EFR3B: variants seen among roughly 807,000 people sequenced by gnomAD.
EFR3B encodes protein EFR3 homolog B.
Under a neutral mutation model 104.7 loss-of-function variants are expected in EFR3B, and 64 were observed. That is an observed-to-expected ratio of 0.61 (90% CI 0.50 to 0.75). EFR3B has a LOEUF of 0.75. Ranked by LOEUF, EFR3B falls within the 30% of genes least tolerant of loss-of-function variation. The probability of loss-of-function intolerance (pLI) is 0.00; values close to 1 mark genes in which losing one functional copy is unlikely to be tolerated. For synonymous variants in EFR3B, 385 were observed against 417.9 expected (o/e 0.92, Z 0.96); for missense variants, 750 against 1,078.5 (o/e 0.70, Z 4.27).
At chr2:25,117,915 C>T (rs1669906175) in intron 4 of EFR3B, among the ~76,000 whole-genome samples, 1 of 152,186 alleles carries the variant, frequency 6.6e-6, no homozygotes, top group African/African-American at 2.4e-5. Flanking sequence ...CCCCGCAGCC[C>T]CTGGCAATCA....
chr2:25,062,457 G>A (rs1451643252), intron 1 of EFR3B, among the ~76,000 whole-genome samples: 1 of 152,184 alleles, frequency 6.6e-6, no homozygotes, highest in Non-Finnish European at 1.5e-5. Flanking sequence ...TAAAACAGTA[G>A]GAAACCCTGG....
At chr2:25,140,895 G>T (rs1181806442) in intron 16 of EFR3B, among the ~76,000 whole-genome samples, 1 of 152,092 alleles carries the variant, frequency 6.6e-6, no homozygotes, top group African/African-American at 2.4e-5. Context: ...ATAAAAATTT[G>T]CCAGGCGTGG....
rs1046879923 is a variant in EFR3B, at chr2:25,119,262, A to G, written c.364-2411A>G. Among the ~76,000 whole-genome samples, 3 of 152,348 alleles carry G rather than the reference A, an allele frequency of 2.0e-5. No homozygotes were observed. The South Asian group carries it at 6.2e-4, about 32-fold the overall frequency. On this transcript the variant is annotated intron_variant, in intron 4 of 22. Transcript: ENST00000403714. ...AAAAAGAAGTTAAATGTCTCATTCA[A>G]AGTCCACACCTCCTAATGCAGAGCT... is the stretch of plus-strand genomic sequence containing the variant.
chr2:25,042,374 C>T lies in EFR3B; in HGVS notation c.7+55C>T. 8.1e-7 allele frequency: 1 copy of T among 1,236,568 alleles called. No homozygotes were observed. Among genetic ancestry groups the T allele is most frequent in the East Asian group, 3.2e-5 (1 of 31,130 alleles). 76.6% of individuals were successfully genotyped at this position (1,236,568 alleles called of 1,614,324 possible). ...CCCGCGGGGGCGACTCCGCAAACTT[C>T]CCCGGCGCGGACCATTGTCCCCCTG... On this transcript the variant is annotated intron_variant, in intron 1 of 22. Transcript: ENST00000403714. The surrounding 1 kb of genome is among the most constrained non-coding windows in gnomAD (Gnocchi z 5.4).
chr2:25,065,318 C>A (rs12470059), intron 1 of EFR3B, among the ~76,000 whole-genome samples: 19,088 of 149,864 alleles, frequency 0.13, 1,741 homozygotes, highest in Middle Eastern at 0.23. Context: ...GCAGCTGGGA[C>A]TACAGGTGCG....
chr2:25,086,834 C>T (rs1202076756), intron 1 of EFR3B, among the ~76,000 whole-genome samples: 1 of 152,158 alleles, frequency 6.6e-6, no homozygotes, highest in Non-Finnish European at 1.5e-5. Context: ...CTCAAGTGAT[C>T]TGCCCGCCTC....
rs184060304 is a variant in EFR3B at position 25,119,008 on chromosome 2, A to C, written c.364-2665A>C. Among the ~76,000 whole-genome samples, 632 of 152,298 alleles carry C rather than the reference A, an allele frequency of 4.1e-3. 3 individuals are homozygous for C. The highest frequency in any genetic ancestry group is 9.2e-3 in the Admixed American group (141 of 15,286). On this transcript the variant is annotated intron_variant, in intron 4 of 22. Transcript: ENST00000403714. Reference sequence around the variant, plus strand: ...ATTCTCCTAATGTACATTTGAGTCTACACAGTCACTACATGCTGGGGACAA... The same window carrying C: ...ATTCTCCTAATGTACATTTGAGTCTCCACAGTCACTACATGCTGGGGACAA...
At chr2:25,110,864 A>G (rs1295570514) in intron 4 of EFR3B, among the ~76,000 whole-genome samples, 1 of 152,120 alleles carries the variant, frequency 6.6e-6, no homozygotes, top group Non-Finnish European at 1.5e-5. Flanking sequence ...CTTAGTAAAG[A>G]CTATTTATTT....
At chr2:25,091,298 TCA>T in intron 1 of EFR3B, 25 bp from the exon 2 acceptor site, 6 of 1,547,604 alleles carry the variant, frequency 3.9e-6, no homozygotes, top group African/African-American at 1.4e-5. Flanking sequence ...GAGGCTTTGC[TCA>T]CAGTTTTTCC....
rs1349946873 is a variant in EFR3B at position 25,157,061 on chromosome 2, AT to A, written c.*2722del. On this transcript the variant is annotated 3_prime_UTR_variant, in exon 23 of 23. Transcript: ENST00000403714. ...AGATCCCCAGATGTTTCTGCCCCTC[AT>A]CCCCATCCTGTGAATAGAGAGACAG... The A allele has an allele frequency of 1.3e-5, 2 of 152,170 alleles. No homozygotes were observed. Among genetic ancestry groups the A allele is most frequent in the Non-Finnish European group, 2.9e-5 (2 of 68,044 alleles). 9.4% of individuals were successfully genotyped at this position (152,170 alleles called of 1,614,324 possible).
intron 15 of EFR3B, among the ~76,000 whole-genome samples, 156 bp from the exon 16 acceptor site, chr2:25,138,903 T>A (rs549268439): frequency 4.6e-5 from 7 of 152,234 alleles, no homozygotes; most frequent in African/African-American, 1.7e-4. Flanking sequence ...AAGGTGACTT[T>A]TTTCCCCCAG....
rs1040381324 is a variant in EFR3B at position 25,154,472 on chromosome 2, T to C, written c.*132T>C. On this transcript the variant is annotated 3_prime_UTR_variant, in exon 23 of 23. Coordinates refer to ENST00000403714, the MANE Select transcript of EFR3B (RefSeq NM_014971.2). The surrounding 1 kb of genome is among the most constrained non-coding windows in gnomAD (Gnocchi z 4.1). ...CCTTAGATGGCAGCGCCTCCCAGGC[T>C]AAGCCAAGGTGGAGACTCTCTGGTC... 4 of 798,618 alleles carry C rather than the reference T, an allele frequency of 5.0e-6. No individual in the cohort carries two copies. Among genetic ancestry groups the C allele is most frequent in the Non-Finnish European group, 7.9e-6 (4 of 503,342 alleles). The allele number at this position is 798,618 out of a possible 1,614,324, so 49.5% of individuals were successfully genotyped here.
At chr2:25,095,477 C>T (rs1284911497) in intron 3 of EFR3B, among the ~76,000 whole-genome samples, 1 of 152,092 alleles carries the variant, frequency 6.6e-6, no homozygotes, top group Non-Finnish European at 1.5e-5. Flanking sequence ...GGGTGGATCA[C>T]TTGAGGTCAG....
chr2:25,135,864 T>G (rs762899080), intron 13 of EFR3B, among the ~76,000 whole-genome samples: 13 of 152,108 alleles, frequency 8.5e-5, no homozygotes, highest in Admixed American at 1.3e-4. Flanking sequence ...AGGGCACTTG[T>G]GTCTGGGAGA....
At chr2:25,059,430 G>A (rs781457937) in intron 1 of EFR3B, among the ~76,000 whole-genome samples, 1 of 152,026 alleles carries the variant, frequency 6.6e-6, no homozygotes, top group African/African-American at 2.4e-5. Flanking sequence ...ATAGTACAAC[G>A]TGGATGAACC....
At position 25,096,023 on chromosome 2, in the gene EFR3B, C is replaced by CTT. The variant is rs138227531; in HGVS notation, c.212+2902_212+2903dup. ...CTGTTGGTTCCATTCCCCACTGAGTCTTTTTTTTTTGAGATGGAGTCTCAG... is the reference window on the plus strand; with the variant it reads ...CTGTTGGTTCCATTCCCCACTGAGTCTTTTTTTTTTTTGAGATGGAGTCTCAG... On this transcript the variant is annotated intron_variant, in intron 3 of 22. Transcript: ENST00000403714. 2.9e-3 allele frequency among the ~76,000 whole-genome samples: 429 copies of CTT among 148,146 alleles called. 1 individual carries two copies. The highest frequency in any genetic ancestry group is 0.01 in the African/African-American group (415 of 40,552).
intron 4 of EFR3B, among the ~76,000 whole-genome samples, chr2:25,117,861 G>A (rs867572695): frequency 1.3e-5 from 2 of 152,164 alleles, no homozygotes; most frequent in South Asian, 2.1e-4. Flanking sequence ...AATAAAAACT[G>A]GAGAAAGTTT....
intron 3 of EFR3B, among the ~76,000 whole-genome samples, chr2:25,101,532 A>T (rs993431597): frequency 6.6e-6 from 1 of 152,000 alleles, no homozygotes; most frequent in Admixed American, 6.6e-5. Context: ...CATTTATCAT[A>T]AAGAAGGGGT....
intron 4 of EFR3B, among the ~76,000 whole-genome samples, chr2:25,106,913 C>T (rs1308786255): frequency 6.6e-6 from 1 of 152,112 alleles, no homozygotes; most frequent in Non-Finnish European, 1.5e-5. Flanking sequence ...AAGTTTGCAG[C>T]ATTTTATTTG....
Sources: allele counts gnomAD v4.1 joint callset (sites outside exome capture counted in the v4.1 genomes callset), GRCh38; gene constraint gnomAD v4.1.1; non-coding constraint Gnocchi (gnomAD v3.1); transcripts MANE v1.5; gene names NCBI Gene and HGNC (gene_info 2026-07-23, HGNC 2026-07-21).